MYOCOS: variants seen among roughly 807,000 people sequenced by gnomAD.
MYOCOS encodes the protein myocilin opposite strand protein.
chr1:171,626,257 T>C (rs190499575), intron 2 of MYOCOS, among the ~76,000 whole-genome samples, 197 bp from the exon 3 acceptor site: 2 of 152,158 alleles, frequency 1.3e-5, no homozygotes, highest in Admixed American at 1.3e-4. Flanking sequence ...TAATTTTTAT[T>C]TTCTTGTGGA....
At chr1:171,613,268 A>T (rs140015254) in intron 1 of MYOCOS, among the ~76,000 whole-genome samples, 113 of 152,306 alleles carry the variant, frequency 7.4e-4, no homozygotes, top group African/African-American at 2.6e-3. Flanking sequence ...TGAACAAGGG[A>T]TGGTGACCCT....
At chr1:171,618,515 T>C (rs1250094879), upstream of MYOCOS, among the ~76,000 whole-genome samples, 1 of 152,200 alleles carries the variant, frequency 6.6e-6, no homozygotes, top group Non-Finnish European at 1.5e-5. Context: ...GTAAGGCCCA[T>C]GAGGGTCACC....
upstream of MYOCOS, among the ~76,000 whole-genome samples, chr1:171,620,477 T>G (rs995996648): frequency 2.0e-5 from 3 of 152,138 alleles, no homozygotes; most frequent in Non-Finnish European, 2.9e-5. Flanking sequence ...AGCTAGATAT[T>G]TTTCTTCCAG....
intron 1 of MYOCOS, among the ~76,000 whole-genome samples, chr1:171,602,602 G>C (rs1454993917): frequency 6.6e-6 from 1 of 152,014 alleles, no homozygotes; most frequent in Admixed American, 6.5e-5. Context: ...AAGTTAAAAA[G>C]AGTCTATAAA....
At position 171,626,441 on chromosome 1, in the gene MYOCOS, C is replaced by T. The variant is rs1173429286; in HGVS notation, c.96-13C>T. 1 of 398,504 alleles carries T rather than the reference C, an allele frequency of 2.5e-6. No individual in the cohort carries two copies. The highest frequency in any genetic ancestry group is 4.4e-6 in the Non-Finnish European group (1 of 226,032). The allele number at this position is 398,504 out of a possible 1,614,324, so 24.7% of individuals were successfully genotyped here. ...CTTTATTCAAATGGCATTCAATGTG[C>T]CTTTCTTCCTAGAAAAGAGATAATT... On this transcript the variant is annotated splice_polypyrimidine_tract_variant and intron_variant, in intron 2 of 2. Transcript: ENST00000637642.
intron 1 of MYOCOS, among the ~76,000 whole-genome samples, chr1:171,604,548 TGAAGTAAGACTAA>T (rs1488759161): frequency 6.6e-6 from 1 of 152,192 alleles, no homozygotes; most frequent in African/African-American, 2.4e-5. Flanking sequence ...TCACAGTCTT[TGAAGTAAGACTAA>T]GAACTGGTCA....
intron 2 of MYOCOS, among the ~76,000 whole-genome samples, chr1:171,625,149 C>T (rs1445460667): frequency 6.6e-6 from 1 of 152,120 alleles, no homozygotes. Context: ...GATAGTGGTG[C>T]ACAGCCAATT....
rs1652717968 is a variant in MYOCOS at position 171,626,875 on chromosome 1, AAC to A, written c.*276_*277del. ...GTAGTCAGTTGTATTTAAATTAATA[AAC>A]AGTTATCAGGCCTTGTTGTTTATTA... On this transcript the variant is annotated 3_prime_UTR_variant, in exon 3 of 3. Transcript: ENST00000637642. 3.8e-6 allele frequency: 1 copy of A among 266,366 alleles called. No homozygotes were observed. The highest frequency in any genetic ancestry group is 2.2e-5 in the African/African-American group (1 of 45,708). The allele number at this position is 266,366 out of a possible 1,614,324, so 16.5% of individuals were successfully genotyped here. A position where few individuals can be genotyped will look rare whatever the true frequency, so the allele number is the denominator to read the frequency against.
chr1:171,625,718 G>T (rs939526386), intron 2 of MYOCOS, among the ~76,000 whole-genome samples: 2 of 152,184 alleles, frequency 1.3e-5, no homozygotes, highest in African/African-American at 4.8e-5. Flanking sequence ...TGAAACTGAG[G>T]CTGGACTGGC....
rs543118571 is a variant in MYOCOS, at chr1:171,622,947, G to A, written c.-44+615G>A. On this transcript the variant is annotated intron_variant, in intron 1 of 2. Transcript: ENST00000637642. ...GTTATCAAATAAGATGAAGCAAAAG[G>A]GCCAGGCATGGTGGCTCATGCCTGC... Among the ~76,000 whole-genome samples the A allele has an allele frequency of 2.0e-4, 30 of 152,234 alleles. No homozygotes were observed. The East Asian group carries it at 5.2e-3, about 26-fold the overall frequency.
intron 1 of MYOCOS, among the ~76,000 whole-genome samples, chr1:171,607,093 CA>C (rs35353881): frequency 0.3 from 20,333 of 66,920 alleles, 756 homozygotes; most frequent in Middle Eastern, 0.44. Context: ...GACTCTGTCT[CA>C]AAAAAAAAAA....
upstream of MYOCOS, among the ~76,000 whole-genome samples, chr1:171,617,284 A>G (rs1358616038): frequency 6.6e-6 from 1 of 152,118 alleles, no homozygotes; most frequent in African/African-American, 2.4e-5. Context: ...CCTGACCCTG[A>G]GCATGATAAG....
rs577020221 is a variant in MYOCOS at position 171,611,891 on chromosome 1, G to T, written c.-251-2907G>T. Reference sequence around the variant, plus strand: ...TCCCTAAAAAAAAATCTGACTGATGGGTAAACTGACATTAATCTACCCTAA... The same window carrying T: ...TCCCTAAAAAAAAATCTGACTGATGTGTAAACTGACATTAATCTACCCTAA... On this transcript the variant is annotated intron_variant, in intron 1 of 3. Transcript: ENST00000636697. Among the ~76,000 whole-genome samples, 4 of 152,198 alleles carry T rather than the reference G, an allele frequency of 2.6e-5. No individual in the cohort carries two copies. The East Asian group carries it at 5.8e-4, about 22-fold the overall frequency.
At chr1:171,601,054 G>A (rs894121436) in exon 1 of MYOCOS, 8 of 152,454 alleles carry the variant, frequency 5.2e-5, no homozygotes, top group Non-Finnish European at 1.0e-4. Context: ...GCCAGCCTGA[G>A]TGAAGCCATC....
At chr1:171,604,925 A>G (rs1367647685) in intron 1 of MYOCOS, among the ~76,000 whole-genome samples, 1 of 152,176 alleles carries the variant, frequency 6.6e-6, no homozygotes, top group Non-Finnish European at 1.5e-5. Context: ...AAATGAAATA[A>G]AGAAAAATAC....
chr1:171,609,467 T>C (rs1652316410), intron 1 of MYOCOS, among the ~76,000 whole-genome samples: 1 of 152,120 alleles, frequency 6.6e-6, no homozygotes, highest in Non-Finnish European at 1.5e-5. Flanking sequence ...CTCCTGCAAA[T>C]GGGAACCTCT....
chr1:171,610,574 A>AAG (rs370888805), intron 1 of MYOCOS, among the ~76,000 whole-genome samples: 19 of 150,446 alleles, frequency 1.3e-4, no homozygotes, highest in South Asian at 6.3e-4. Flanking sequence ...GAGAAAGAGG[A>AAG]AGAGAGAGAG....
At chr1:171,618,710 G>A (rs1157788499), upstream of MYOCOS, among the ~76,000 whole-genome samples, 1 of 151,978 alleles carries the variant, frequency 6.6e-6, no homozygotes, top group Non-Finnish European at 1.5e-5. Context: ...CGAGTAGCTG[G>A]GATTACAGGT....
At position 171,601,444 on chromosome 1, in the gene MYOCOS, TGTG is replaced by T. The variant is rs563979135; in HGVS notation, c.-252+368_-252+370del. On this transcript the variant is annotated intron_variant, in intron 1 of 3. Transcript: ENST00000636697. ...TGCCCTCTTTACCCGTTCTTTGTCT[TGTG>T]GTGAGTGTGTGTAGTGTGAGCGTGG... Among the ~76,000 whole-genome samples the T allele has an allele frequency of 4.7e-4, 71 of 151,914 alleles. No homozygotes were observed. In the East Asian group the frequency reaches 5.2e-3, roughly 11 times the overall value.
Sources: allele counts gnomAD v4.1 joint callset (sites outside exome capture counted in the v4.1 genomes callset), GRCh38; gene constraint gnomAD v4.1.1; transcripts MANE v1.5; gene names NCBI Gene and HGNC (gene_info 2026-07-23, HGNC 2026-07-21).